The following GALK2 variants were observed in gnomAD, a reference collection of about 807,000 sequenced individuals.
GALK2 encodes galactokinase 2, also known as N-acetylgalactosamine kinase.
GALK2 carries 36 observed loss-of-function variants against 52.4 expected under a neutral mutation model. The ratio of observed to expected loss-of-function variants is 0.69; its 90% CI spans 0.53 to 0.91. GALK2 has a LOEUF of 0.91. Ranked by LOEUF, GALK2 falls within the 40% of genes least tolerant of loss-of-function variation. The pLI is 0.00. For missense variants in GALK2, 579 were observed against 559.1 expected (o/e 1.04, Z -0.36); for synonymous variants, 176 against 199.1 (o/e 0.88, Z 0.98).
At chr15:49,201,309 T>C in intron 2 of GALK2, 59 bp downstream of exon 2, 1 of 877,350 alleles carries the variant, frequency 1.1e-6, no homozygotes. Flanking sequence ...GATCTAAATT[T>C]TTAAAAATAT....
chr15:49,275,191 C>G (rs1397153286), intron 5 of GALK2, among the ~76,000 whole-genome samples: 1 of 152,144 alleles, frequency 6.6e-6, no homozygotes, highest in Non-Finnish European at 1.5e-5. Context: ...TATGGTGTCA[C>G]TAGGTGATAG....
At position 49,367,607 on chromosome 15, in the gene GALK2, G is replaced by A. The variant is rs200898126; in HGVS notation, c.*71G>A. 1,296 of 1,548,926 alleles carry A rather than the reference G, an allele frequency of 8.4e-4. 24 individuals carry two copies. In the South Asian group the frequency reaches 0.015, roughly 18 times the overall value. ...CTCTGGACCAGTACTACTATAGTGC[G>A]ACTGTAAGAGGAAGAAAATAATCAA... On this transcript the variant is annotated 3_prime_UTR_variant, in exon 4 of 4. Coordinates refer to the GALK2 transcript ENST00000558399.
upstream of GALK2, among the ~76,000 whole-genome samples, chr15:49,166,937 A>G (rs892304215): frequency 1.3e-5 from 2 of 152,214 alleles, no homozygotes; most frequent in Non-Finnish European, 2.9e-5. Flanking sequence ...TAAATGGTCA[A>G]TCCCTCTGTG....
chr15:49,226,477 G>T (rs1009929783), intron 3 of GALK2, among the ~76,000 whole-genome samples: 1 of 152,030 alleles, frequency 6.6e-6, no homozygotes, highest in Non-Finnish European at 1.5e-5. Flanking sequence ...TTTTAGTCTC[G>T]TTCAGTGGGA....
At chr15:49,176,198 C>A (rs547968064) in intron 1 of GALK2, among the ~76,000 whole-genome samples, 1 of 152,276 alleles carries the variant, frequency 6.6e-6, no homozygotes, top group Non-Finnish European at 1.5e-5. Flanking sequence ...CATTTAAAGA[C>A]CTTTTGTTCC....
chr15:49,299,709 G>A (rs867911415), intron 8 of GALK2, among the ~76,000 whole-genome samples: 2 of 85,196 alleles, frequency 2.3e-5, no homozygotes, highest in South Asian at 4.7e-4. Flanking sequence ...TCTTGGTATT[G>A]CTTTCTTTCT....
At chr15:49,242,402 T>C (rs537001124) in intron 5 of GALK2, among the ~76,000 whole-genome samples, 1 of 152,158 alleles carries the variant, frequency 6.6e-6, no homozygotes, top group African/African-American at 2.4e-5. Flanking sequence ...CAGGTGAAAA[T>C]GGCAATGAGT....
chr15:49,273,075 G>C (rs1048943161), intron 5 of GALK2, among the ~76,000 whole-genome samples: 1 of 152,178 alleles, frequency 6.6e-6, no homozygotes, highest in Non-Finnish European at 1.5e-5. Flanking sequence ...TACACAGATA[G>C]AAGAGTGTAC....
At chr15:49,261,114 G>A in intron 5 of GALK2, among the ~76,000 whole-genome samples, 1 of 150,274 alleles carries the variant, frequency 6.7e-6, no homozygotes, top group Non-Finnish European at 1.5e-5. Flanking sequence ...AAAGTCATTG[G>A]TAGCTTGATG....
At chr15:49,196,557 G>A (rs932863472) in intron 1 of GALK2, among the ~76,000 whole-genome samples, 1 of 152,080 alleles carries the variant, frequency 6.6e-6, no homozygotes, top group Non-Finnish European at 1.5e-5. Flanking sequence ...AATGTTCCAT[G>A]TACTCTTGAG....
downstream of GALK2, among the ~76,000 whole-genome samples, chr15:49,333,918 C>T (rs2039252617): frequency 6.6e-6 from 1 of 151,842 alleles, no homozygotes; most frequent in Non-Finnish European, 1.5e-5. Flanking sequence ...AAAAACTAGC[C>T]CAATAGAGAC....
At chr15:49,177,295 A>G (rs2085535851) in intron 1 of GALK2, among the ~76,000 whole-genome samples, 1 of 151,696 alleles carries the variant, frequency 6.6e-6, no homozygotes, top group African/African-American at 2.4e-5. Flanking sequence ...ATTTATTTTC[A>G]TTATTTATTT....
At chr15:49,218,473 G>A (rs2089554834) in intron 3 of GALK2, among the ~76,000 whole-genome samples, 1 of 152,170 alleles carries the variant, frequency 6.6e-6, no homozygotes, top group South Asian at 2.1e-4. Context: ...AGACCTGGAT[G>A]AAGGTAGTAT....
In GALK2 at chr15:49,156,092, A is replaced by G. The variant is rs375287801; in HGVS notation, c.20+76A>G. On this transcript the variant is annotated intron_variant, in intron 1 of 9. Transcript: ENST00000327171. ...TGGGTGTTCCTAAGATACTTGGAGT[A>G]CTTTTCAGCAACACAGTTTACACTT... 3.5e-6 allele frequency: 5 copies of G among 1,417,392 alleles called. No individual in the cohort carries two copies. The African/African-American group carries it at 7.0e-5, about 20-fold the overall frequency. 87.8% of individuals were successfully genotyped at this position (1,417,392 alleles called of 1,614,324 possible). A position where few individuals can be genotyped will look rare whatever the true frequency, so the allele number is the denominator to read the frequency against.
rs143561275 is a variant in GALK2 at position 49,291,003 on chromosome 15, C to T, written c.757-1324C>T. Among the ~76,000 whole-genome samples, 42 of 151,998 alleles carry T rather than the reference C, an allele frequency of 2.8e-4. No individual in the cohort carries two copies. The East Asian group carries it at 6.8e-3, about 25-fold the overall frequency. ...CCGAGTCTCACTTCATCACCCAGGC[C>T]GGAGCACAGTGGCATGACTTCCGCT... On this transcript the variant is annotated intron_variant, in intron 7 of 9. Transcript: ENST00000560031.
chr15:49,325,618 G>A (rs934069841), intron 9 of GALK2, among the ~76,000 whole-genome samples: 9 of 152,204 alleles, frequency 5.9e-5, no homozygotes, highest in Non-Finnish European at 8.8e-5. Context: ...ATACAGCTGC[G>A]CAGGCTGCTG....
chr15:49,194,521 C>A (rs975990712), intron 1 of GALK2, among the ~76,000 whole-genome samples: 2 of 151,604 alleles, frequency 1.3e-5, no homozygotes, highest in African/African-American at 2.4e-5. Context: ...ACTCCTCTCT[C>A]AAAACAGGGT....
intron 1 of GALK2, among the ~76,000 whole-genome samples, chr15:49,159,304 G>A (rs921919628): frequency 1.3e-5 from 2 of 152,090 alleles, no homozygotes; most frequent in Non-Finnish European, 1.5e-5. Context: ...CGGCTGGCGC[G>A]CTGGCTCACG....
chr15:49,296,710 C>T (rs924573308), intron 8 of GALK2, among the ~76,000 whole-genome samples: 1 of 152,064 alleles, frequency 6.6e-6, no homozygotes, highest in East Asian at 1.9e-4. Context: ...AGAGATTCTC[C>T]TGCCACAGCC....
Sources: gnomAD v4.1 joint callset for allele counts (sites outside exome capture counted in the v4.1 genomes callset) on GRCh38, gnomAD v4.1.1 for gene constraint, MANE v1.5 for transcripts, NCBI Gene and HGNC (gene_info 2026-07-23, HGNC 2026-07-21) for gene names.